Variants in LEMD3 observed in about 807,000 individuals in gnomAD.
LEMD3 encodes the protein LEM domain containing 3.
LEMD3 carries 33 observed loss-of-function variants against 95.2 expected under a neutral mutation model. That is an observed-to-expected ratio of 0.35 (90% CI 0.26 to 0.46). LEMD3 has a LOEUF of 0.46. Ranked by LOEUF, LEMD3 falls within the 20% of genes least tolerant of loss-of-function variation. The pLI, the probability that LEMD3 is intolerant of heterozygous loss-of-function variation, is 1.00. For missense variants in LEMD3, 1,210 were observed against 1,192.8 expected (o/e 1.01, Z -0.21); for synonymous variants, 525 against 474.6 (o/e 1.11, Z -1.38).
At chr12:65,171,269 T>G in intron 1 of LEMD3, 151 bp downstream of exon 1, 1 of 1,351,022 alleles carries the variant, frequency 7.4e-7, no homozygotes, top group Non-Finnish European at 1.0e-6. Flanking sequence ...TCATCTTTCT[T>G]AAAGAACACC....
At chr12:65,190,782 T>TA (rs1394105419) in intron 1 of LEMD3, among the ~76,000 whole-genome samples, 2 of 152,214 alleles carry the variant, frequency 1.3e-5, no homozygotes, top group African/African-American at 4.8e-5. Flanking sequence ...TTGTCTCAGT[T>TA]ACTTTTTGGT....
chr12:65,231,778 G>C (rs994389949), intron 4 of LEMD3, among the ~76,000 whole-genome samples: 1 of 151,724 alleles, frequency 6.6e-6, no homozygotes, highest in African/African-American at 2.4e-5. Context: ...TAAAATTTTG[G>C]TCCATTTTCC....
chr12:65,217,653 A>G (rs1345427325), intron 3 of LEMD3, among the ~76,000 whole-genome samples: 2 of 152,342 alleles, frequency 1.3e-5, no homozygotes, highest in South Asian at 2.1e-4. Flanking sequence ...TCTAATAACC[A>G]CTTATAGTCT....
chr12:65,189,247 A>G (rs950653831), intron 1 of LEMD3, among the ~76,000 whole-genome samples: 14 of 152,184 alleles, frequency 9.2e-5, no homozygotes, highest in African/African-American at 3.1e-4. Context: ...TGAAACTGCC[A>G]TAAGGAGGGA....
intron 4 of LEMD3, among the ~76,000 whole-genome samples, chr12:65,237,237 T>C (rs1000958679): frequency 1.3e-5 from 2 of 152,206 alleles, no homozygotes; most frequent in Non-Finnish European, 2.9e-5. Context: ...GGCATTGTTA[T>C]ATATTTTATA....
At chr12:65,189,522 G>C (rs897186243) in intron 1 of LEMD3, among the ~76,000 whole-genome samples, 2 of 152,142 alleles carry the variant, frequency 1.3e-5, no homozygotes, top group African/African-American at 4.8e-5. Context: ...GTGTTGCCCA[G>C]TACCCGCCTG....
Position 65,245,687 on chromosome 12 carries a change from G to C in LEMD3, c.2406G>C (p.Trp802Cys). The change falls in exon 11 of 13, where the codon TGG becomes TGC. Residue 802 changes from tryptophan to cysteine, a missense_variant. This residue lies in a region of LEMD3 where 461 missense variants were observed against 569.8 expected (regional missense o/e 0.81). Coordinates refer to ENST00000308330, the MANE Select transcript of LEMD3 (RefSeq NM_014319.5). ...CTTTTAGGGAAATAGGGGATCAGTG[G>C]CATTTGGCAATTCAAGAAGCAATTT... ...FDPVMEIGDQ[W>C]HLAIQEAILE... is the part of the protein sequence containing the mutation. The C allele has an allele frequency of 6.2e-7, 1 of 1,613,294 alleles. No individual in the cohort carries two copies. Among genetic ancestry groups the C allele is most frequent in the Non-Finnish European group, 8.5e-7 (1 of 1,179,356 alleles).
In LEMD3 at chr12:65,170,482, C is replaced by G. The variant is rs757425587; in HGVS notation, c.886C>G (p.Pro296Ala). ...ACGAACCCATAGTAAGCCTCTCCCC[C>G]CGCTGACTGCTAAATCGGCCGGCGG... ...PRRTHSKPLPPLTAKSAGGRL... is the reference protein window; with the variant it reads ...PRRTHSKPLPALTAKSAGGRL... The change falls in exon 1 of 13, where the codon CCG (proline) becomes GCG (alanine). Residue 296 changes from proline to alanine, a missense_variant. Coordinates refer to ENST00000308330, the MANE Select transcript of LEMD3 (RefSeq NM_014319.5). The G allele has an allele frequency of 3.1e-6, 5 of 1,613,210 alleles. No individual in the cohort carries two copies. The highest frequency in any genetic ancestry group is 2.7e-5 in the African/African-American group (2 of 74,676).
chr12:65,170,156 C>A lies in LEMD3; in HGVS notation c.560C>A (p.Ser187Tyr). The change falls in exon 1 of 13, where the codon TCT becomes TAT. Residue 187 changes from serine (S) to tyrosine (Y), a missense_variant. Coordinates refer to ENST00000308330, the MANE Select transcript of LEMD3 (RefSeq NM_014319.5). ...GCCAGCGAGGTGACTAACAGCAACT[C>A]TGCAGAGCGAAGGAAGCCCCACTCG... Reference protein sequence around the residue: ...LAASEVTNSNSAERRKPHSWW... With the variant: ...LAASEVTNSNYAERRKPHSWW... 6.7e-7 allele frequency: 1 copy of A among 1,487,602 alleles called. No individual in the cohort carries two copies. Among genetic ancestry groups the A allele is most frequent in the Non-Finnish European group, 8.9e-7 (1 of 1,123,902 alleles). The allele number at this position is 1,487,602 out of a possible 1,614,324, so 92.2% of individuals were successfully genotyped here.
chr12:65,181,694 A>G (rs1868908644), intron 1 of LEMD3, among the ~76,000 whole-genome samples: 1 of 152,096 alleles, frequency 6.6e-6, no homozygotes, highest in South Asian at 2.1e-4. Flanking sequence ...CCATTTTCTC[A>G]ATTGGGAATT....
chr12:65,238,706 A>G lies in LEMD3; in HGVS notation c.1813A>G (p.Ile605Val), dbSNP rs886049779. Residue 605 changes from isoleucine (I) to valine (V), a missense_variant, in exon 6 of 13, where the codon ATA becomes GTA. Around this residue, in one of 2 missense-constraint regions of LEMD3, gnomAD observed 461 missense variants for 569.8 expected, o/e 0.81. Transcript: ENST00000308330. ...GFGPEEELTN[I>V]TDVQFLQSTR... is the part of the protein sequence containing the mutation. ...TGGCCCTGAGGAAGAATTGACAAAT[A>G]TAACTGATGTGCAGTTTTTACAGTC... The G allele has an allele frequency of 1.2e-6, 2 of 1,614,002 alleles. No homozygotes were observed. Among genetic ancestry groups the G allele is most frequent in the Non-Finnish European group, 1.7e-6 (2 of 1,179,998 alleles).
chr12:65,239,096 A>C (rs534608588), intron 6 of LEMD3, among the ~76,000 whole-genome samples: 2 of 152,314 alleles, frequency 1.3e-5, no homozygotes, highest in South Asian at 4.1e-4. Flanking sequence ...TAGAATTGAA[A>C]AATACAAAAA....
chr12:65,216,258 A>G lies in LEMD3; in HGVS notation c.1627+215A>G, dbSNP rs115069651. On this transcript the variant is annotated intron_variant, in intron 3 of 12. Transcript: ENST00000308330. ...GCCATCTGTATTAGAGGTAATATAT[A>G]TATATAATATAGTTATAAAGTTGAT... Among the ~76,000 whole-genome samples the G allele has an allele frequency of 2.1e-3, 322 of 151,888 alleles. 1 individual carries two copies. Among genetic ancestry groups the G allele is most frequent in the African/African-American group, 7.5e-3 (310 of 41,506 alleles).
rs769822240 is a variant in LEMD3 at position 65,245,905 on chromosome 12, G to C, written c.2538G>C (p.Lys846Asn). The stretch of plus-strand genomic sequence containing the variant: ...GTCTGTCTCCAGAATATGCTGGAAA[G>C]GCTTTTAAAGCATTGCATGGCTCTT... ...VKCLSPEYAG[K>N]AFKALHGSWF... Residue 846 changes from lysine to asparagine, a missense_variant, in exon 12 of 13, where the codon AAG becomes AAC. Physicochemically the swap from Lys to Asn is moderately conservative, Grantham distance 94. Coordinates refer to ENST00000308330, the MANE Select transcript of LEMD3 (RefSeq NM_014319.5). 6.2e-7 allele frequency: 1 copy of C among 1,612,972 alleles called. No individual in the cohort carries two copies. The highest frequency in any genetic ancestry group is 1.1e-5 in the South Asian group (1 of 91,056).
At chr12:65,246,009 T>G in intron 12 of LEMD3, 70 bp downstream of exon 12, 1 of 1,360,998 alleles carries the variant, frequency 7.3e-7, no homozygotes, top group South Asian at 1.2e-5. Context: ...ATACCAGATT[T>G]CAAATAAAAG....
intron 1 of LEMD3, chr12:65,171,605 TAACTG>T (rs1868553487): frequency 5.4e-6 from 1 of 185,302 alleles, no homozygotes; most frequent in Non-Finnish European, 1.2e-5. Flanking sequence ...TTTGTGGTAT[TAACTG>T]TATGTATAAT....
intron 3 of LEMD3, among the ~76,000 whole-genome samples, chr12:65,217,376 A>G (rs1052010639): frequency 2.6e-5 from 4 of 152,228 alleles, no homozygotes; most frequent in African/African-American, 7.2e-5. Context: ...CTCTAAATCT[A>G]TGGGATCTAA....
chr12:65,225,914 C>G (rs1439453056), intron 4 of LEMD3, among the ~76,000 whole-genome samples: 1 of 152,178 alleles, frequency 6.6e-6, no homozygotes, highest in African/African-American at 2.4e-5. Flanking sequence ...CCCCAGGCAT[C>G]TGGAGTATAC....
rs1266123711 is a variant in LEMD3 at position 65,247,099 on chromosome 12, A to C, written c.*774A>C. ...ATATGGCTGTACTTTTGCATAGATC[A>C]AACAGCCAAACACCTGGAAGTATTA... is the stretch of plus-strand genomic sequence containing the variant. On this transcript the variant is annotated 3_prime_UTR_variant, in exon 13 of 13. Coordinates refer to ENST00000308330, the MANE Select transcript of LEMD3 (RefSeq NM_014319.5). 6.6e-6 allele frequency: 1 copy of C among 152,586 alleles called. No homozygotes were observed. The highest frequency in any genetic ancestry group is 1.5e-5 in the Non-Finnish European group (1 of 67,990). The allele number at this position is 152,586 out of a possible 1,614,324, so 9.5% of individuals were successfully genotyped here.
Sources: allele counts gnomAD v4.1 joint callset (sites outside exome capture counted in the v4.1 genomes callset), GRCh38; gene constraint gnomAD v4.1.1; regional missense constraint gnomAD v4.1.1; transcripts MANE v1.5; gene names NCBI Gene and HGNC (gene_info 2026-07-23, HGNC 2026-07-21).